The following TAFA2 variants were observed in gnomAD, a reference collection of about 807,000 sequenced individuals.
TAFA2 encodes TAFA chemokine like family member 2.
A neutral mutation model predicts 18.8 loss-of-function variants in TAFA2; 7 were observed. The ratio of observed to expected loss-of-function variants is 0.37; its 90% CI spans 0.21 to 0.70. The LOEUF is 0.70. Among genes scored for constraint, TAFA2 ranks in the 30% least tolerant of loss-of-function variants. The pLI is 0.53. For synonymous variants in TAFA2, 60 were observed against 54.2 expected, an observed-to-expected ratio of 1.11 and a Z score of -0.47; for missense variants, 122 against 158.1, an observed-to-expected ratio of 0.77 and a Z score of 1.23.
intron 1 of TAFA2, among the ~76,000 whole-genome samples, chr12:62,103,650 A>G (rs1869307841): frequency 6.6e-6 from 1 of 152,152 alleles, no homozygotes. Context: ...CTGAGGCAGG[A>G]GAACCGCTTG....
At chr12:62,234,092 G>A (rs538871832) in intron 1 of TAFA2, among the ~76,000 whole-genome samples, 1 of 152,322 alleles carries the variant, frequency 6.6e-6, no homozygotes, top group South Asian at 2.1e-4. Flanking sequence ...CCATGCCATA[G>A]TTTTCAGAAG....
At chr12:62,117,501 C>T (rs1459776806) in intron 1 of TAFA2, among the ~76,000 whole-genome samples, 1 of 152,162 alleles carries the variant, frequency 6.6e-6, no homozygotes, top group Non-Finnish European at 1.5e-5. Context: ...GCCTGGGACC[C>T]CACATATTTC....
At chr12:61,958,111 G>A (rs1645720545) in intron 1 of TAFA2, among the ~76,000 whole-genome samples, 1 of 151,980 alleles carries the variant, frequency 6.6e-6, no homozygotes, top group Admixed American at 6.6e-5. Context: ...CAGAAATATT[G>A]TGTACAGATA....
chr12:61,782,389 T>C (rs972971283), intron 2 of TAFA2, among the ~76,000 whole-genome samples: 2 of 151,796 alleles, frequency 1.3e-5, no homozygotes, highest in Non-Finnish European at 2.9e-5. Context: ...CATTCCTTTC[T>C]ATTGATAATA....
intron 1 of TAFA2, among the ~76,000 whole-genome samples, chr12:62,248,053 T>C (rs976936067): frequency 8.5e-5 from 13 of 152,196 alleles, no homozygotes; most frequent in African/African-American, 1.4e-4. Context: ...CATGGACACA[T>C]TGAAAGGTGA....
chr12:61,817,903 C>T (rs1021406595), intron 2 of TAFA2, among the ~76,000 whole-genome samples: 1 of 152,132 alleles, frequency 6.6e-6, no homozygotes, highest in South Asian at 2.1e-4. Context: ...AACTTTAAAT[C>T]ACAGGGATGG....
intron 1 of TAFA2, chr12:62,105,061 T>C (rs199684783): frequency 1.1e-5 from 2 of 187,472 alleles, no homozygotes; most frequent in East Asian, 3.4e-4. Flanking sequence ...CTTTTTTTTG[T>C]TTTGTTTTGT....
chr12:61,931,551 T>A (rs560884018), intron 1 of TAFA2, among the ~76,000 whole-genome samples: 47 of 152,324 alleles, frequency 3.1e-4, no homozygotes, highest in African/African-American at 1.1e-3. Context: ...GCAGCTTACC[T>A]GTGGTCTTTT....
At chr12:62,246,712 A>T (rs1319171831) in intron 1 of TAFA2, among the ~76,000 whole-genome samples, 1 of 152,156 alleles carries the variant, frequency 6.6e-6, no homozygotes, top group Non-Finnish European at 1.5e-5. Context: ...ACCATTAGTG[A>T]CTTTTTTTCT....
At chr12:61,869,967 C>T (rs1874525457) in intron 1 of TAFA2, among the ~76,000 whole-genome samples, 1 of 152,138 alleles carries the variant, frequency 6.6e-6, no homozygotes, top group South Asian at 2.1e-4. Flanking sequence ...TAGCACATGG[C>T]CTCTGCTACA....
intron 1 of TAFA2, among the ~76,000 whole-genome samples, chr12:62,088,933 C>T (rs546138242): frequency 1.7e-4 from 26 of 151,830 alleles, no homozygotes; most frequent in African/African-American, 6.3e-4. Flanking sequence ...TGTGTGCACG[C>T]GCGCGCACGC....
chr12:61,771,814 T>A (rs1277184445), intron 2 of TAFA2, among the ~76,000 whole-genome samples: 1 of 146,482 alleles, frequency 6.8e-6, no homozygotes, highest in Admixed American at 6.9e-5. Flanking sequence ...AGGTCACACC[T>A]CAAGGAACTA....
intron 1 of TAFA2, among the ~76,000 whole-genome samples, chr12:62,100,426 A>G (rs1344794474): frequency 6.6e-6 from 1 of 152,172 alleles, no homozygotes; most frequent in African/African-American, 2.4e-5. Context: ...TTCCAAATAC[A>G]TGAAAAGTGG....
chr12:62,201,014 G>T (rs1279584496), intron 1 of TAFA2, among the ~76,000 whole-genome samples: 1 of 152,126 alleles, frequency 6.6e-6, no homozygotes, highest in African/African-American at 2.4e-5. Context: ...ATTGTAATGG[G>T]AATTCATTCA....
At chr12:62,172,685 A>G (rs1380115103) in intron 1 of TAFA2, among the ~76,000 whole-genome samples, 1 of 152,218 alleles carries the variant, frequency 6.6e-6, no homozygotes, top group African/African-American at 2.4e-5. Context: ...TAACAGGTAA[A>G]ATGCTCAGTA....
At chr12:62,256,815 A>T (rs2062941344) in intron 1 of TAFA2, among the ~76,000 whole-genome samples, 1 of 152,212 alleles carries the variant, frequency 6.6e-6, no homozygotes, top group African/African-American at 2.4e-5. Context: ...TAACAGATTA[A>T]GCACTTTACT....
intron 1 of TAFA2, among the ~76,000 whole-genome samples, chr12:62,124,522 T>C (rs1257309887): frequency 3.9e-5 from 6 of 152,128 alleles, no homozygotes; most frequent in African/African-American, 1.4e-4. Flanking sequence ...TAAATATTGA[T>C]TGCTGTTAAA....
At chr12:61,938,230 T>TAA (rs1157161976) in intron 1 of TAFA2, among the ~76,000 whole-genome samples, 10,608 of 98,224 alleles carry the variant, frequency 0.11, 611 homozygotes, top group East Asian at 0.23. Flanking sequence ...ATAGATATGG[T>TAA]AAAAAAAAAA....
At chr12:61,907,775 C>T (rs542747153) in intron 1 of TAFA2, among the ~76,000 whole-genome samples, 1 of 152,214 alleles carries the variant, frequency 6.6e-6, no homozygotes, top group Non-Finnish European at 1.5e-5. Flanking sequence ...TGCAAAGCCA[C>T]AAGGGTGGAG....
Sources: allele counts gnomAD v4.1 joint callset (sites outside exome capture counted in the v4.1 genomes callset), GRCh38; gene constraint gnomAD v4.1.1; transcripts MANE v1.5; gene names NCBI Gene and HGNC (gene_info 2026-07-23, HGNC 2026-07-21).